The following ATF6B variants were observed in gnomAD, a reference collection of about 807,000 sequenced individuals.
ATF6B encodes the protein cyclic AMP-dependent transcription factor ATF-6 beta.
Under a neutral mutation model 83.5 loss-of-function variants are expected in ATF6B, and 50 were observed. That is an observed-to-expected ratio of 0.60 (90% CI 0.48 to 0.76). The LOEUF (loss-of-function observed/expected upper bound fraction) is 0.76, where lower values mean the gene tolerates loss of function less well. ATF6B is among the 30% of genes least tolerant of loss of function. ATF6B has a pLI of 0.00. For missense variants in ATF6B, 790 were observed against 893.8 expected, an observed-to-expected ratio of 0.88 and a Z score of 1.48; for synonymous variants, 344 against 362.8, an observed-to-expected ratio of 0.95 and a Z score of 0.59.
In ATF6B at chr6:32,116,863, C is replaced by T. The variant is rs758586518; in HGVS notation, c.1686-48G>A. 3 of 1,585,582 alleles carry T rather than the reference C, an allele frequency of 1.9e-6. No homozygotes were observed. The highest frequency in any genetic ancestry group is 2.6e-6 in the Non-Finnish European group (3 of 1,154,470). On this transcript the variant is annotated intron_variant, in intron 15 of 17. Coordinates refer to ENST00000375203, the MANE Select transcript of ATF6B (RefSeq NM_004381.5). This position sits in a 1 kb window ranked among gnomAD's most constrained non-coding sequence, Gnocchi z 5.1. ...TTTGAGGGGAACTAAGCCCAATGCT[C>T]AGTTTCTACCAGGGAAGCGGGTAGG...
Position 32,116,530 on chromosome 6 carries a change from T to A in ATF6B, c.1832A>T (p.Lys611Met). The A allele has an allele frequency of 6.2e-7, 1 of 1,603,754 alleles. No individual in the cohort carries two copies. Among genetic ancestry groups the A allele is most frequent in the Non-Finnish European group, 8.5e-7 (1 of 1,174,396 alleles). ...HLLLPAISHN[K>M]TSRPKMSLVM... Reference sequence around the variant, plus strand: ...CAGGGACATCTTGGGCCGGGAGGTCTTGTTGTGGCTGATGGCTGGGAGCAG... The same window carrying A: ...CAGGGACATCTTGGGCCGGGAGGTCATGTTGTGGCTGATGGCTGGGAGCAG... The change falls in exon 17 of 18, where the codon AAG (lysine) becomes ATG (methionine). Residue 611 changes from lysine (K) to methionine (M), a missense_variant. By Grantham distance (95) the Lys-to-Met change is moderately conservative (BLOSUM62 -1). Coordinates refer to ENST00000375203, the MANE Select transcript of ATF6B (RefSeq NM_004381.5). The surrounding 1 kb of genome is among the most constrained non-coding windows in gnomAD (Gnocchi z 5.1).
chr6:32,121,428 CAT>C, intron 5 of ATF6B, 80 bp from the exon 6 acceptor site: 1 of 1,378,428 alleles, frequency 7.3e-7, no homozygotes, highest in Non-Finnish European at 1.0e-6. Flanking sequence ...GGAGGCTGGG[CAT>C]GGTGGCTCAC....
At chr6:32,123,273 T>G (rs1309178697) in intron 5 of ATF6B, among the ~76,000 whole-genome samples, 1 of 147,152 alleles carries the variant, frequency 6.8e-6, no homozygotes, top group Non-Finnish European at 1.5e-5. Context: ...TTAACCATGA[T>G]GTATTATAAC....
Position 32,118,025 on chromosome 6 carries a change from G to A in ATF6B, c.1258C>T (p.Pro420Ser), listed in dbSNP as rs1781603883. ...ATCCGAGGAGAGATGGGAGCTGAAG[G>A]AGGCTCACTGATGCTGTGGATAAAG... ...NFGPVSISEP[P>S]SAPISPRMNK... The change falls in exon 12 of 18, where the codon CCT becomes TCT. Residue 420 changes from proline (P) to serine (S), a missense_variant. This residue lies in a region of ATF6B where 530 missense variants were observed against 632.6 expected (regional missense o/e 0.84). Coordinates refer to ENST00000375203, the MANE Select transcript of ATF6B (RefSeq NM_004381.5). The surrounding 1 kb of genome is among the most constrained non-coding windows in gnomAD (Gnocchi z 5.2). 6.2e-7 allele frequency: 1 copy of A among 1,614,094 alleles called. No individual in the cohort carries two copies. Among genetic ancestry groups the A allele is most frequent in the African/African-American group, 1.3e-5 (1 of 74,934 alleles).
At chr6:32,121,658 G>A (rs933475218) in intron 5 of ATF6B, among the ~76,000 whole-genome samples, 3 of 152,088 alleles carry the variant, frequency 2.0e-5, no homozygotes, top group South Asian at 2.1e-4. Flanking sequence ...CCAAGATCGC[G>A]CCATTGCACT....
In ATF6B at chr6:32,121,013, C is replaced by G; in HGVS notation, c.676G>C (p.Gly226Arg). 6.5e-7 allele frequency: 1 copy of G among 1,532,326 alleles called. No homozygotes were observed. The highest frequency in any genetic ancestry group is 8.8e-7 in the Non-Finnish European group (1 of 1,142,810). The allele number at this position is 1,532,326 out of a possible 1,614,324, so 94.9% of individuals were successfully genotyped here. A position where few individuals can be genotyped will look rare whatever the true frequency, so the allele number is the denominator to read the frequency against. Residue 226 changes from glycine (G) to arginine (R), a missense_variant, in exon 7 of 18, where the codon GGC becomes CGC. Transcript: ENST00000375203. ...CCTGAGGAGCCATCAAGGGATGGGC[C>G]CATGCTGATCTGGACAGCTCCAAGT... is the stretch of plus-strand genomic sequence containing the variant. Reference protein sequence around the residue: ...PSLGAVQISMGPSLDGSSGKA... With the variant: ...PSLGAVQISMRPSLDGSSGKA...
rs1781523935 is a variant in ATF6B at position 32,116,222 on chromosome 6, G to C, written c.1883-254C>G. Reference sequence around the variant, plus strand: ...AGAGGACATCAAGAGAAAAAAGTAAGTGAGAGTCTAGCAGGTTCCCGGCCC... The same window carrying C: ...AGAGGACATCAAGAGAAAAAAGTAACTGAGAGTCTAGCAGGTTCCCGGCCC... On this transcript the variant is annotated intron_variant, in intron 17 of 17. Transcript: ENST00000375203. The surrounding 1 kb of genome is among the most constrained non-coding windows in gnomAD (Gnocchi z 5.1). Among the ~76,000 whole-genome samples, 1 of 152,154 alleles carries C rather than the reference G, an allele frequency of 6.6e-6. No individual in the cohort carries two copies. The highest frequency in any genetic ancestry group is 2.1e-4 in the South Asian group (1 of 4,830).
chr6:32,119,436 C>T lies in ATF6B; in HGVS notation c.967-295G>A, dbSNP rs902717827. Among the ~76,000 whole-genome samples the T allele has an allele frequency of 6.6e-6, 1 of 152,168 alleles. No homozygotes were observed. The highest frequency in any genetic ancestry group is 2.4e-5 in the African/African-American group (1 of 41,424). ...TTCGTAACTCTTTCTTCCTGTCAGC[C>T]CACATTTGTAGGGTTCAAAGTTTAA... On this transcript the variant is annotated intron_variant, in intron 9 of 17. Transcript: ENST00000375203. The surrounding 1 kb of genome is among the most constrained non-coding windows in gnomAD (Gnocchi z 4.9).
In ATF6B at chr6:32,128,126, C is replaced by T; in HGVS notation, c.82G>A (p.Gly28Ser). ...TDNLLSPEDW[G>S]LQNSTLYSGL... ...CTCCCCGGTGCCTCACTCTGCAGACCCCAGTCCTCCGGGCTAAGCAGGTTG... is the reference window on the plus strand; with the variant it reads ...CTCCCCGGTGCCTCACTCTGCAGACTCCAGTCCTCCGGGCTAAGCAGGTTG... Residue 28 changes from glycine (G) to serine (S), a missense_variant, in exon 1 of 18, where the codon GGT becomes AGT. By Grantham distance (56) the Gly-to-Ser change is moderately conservative. Coordinates refer to ENST00000375203, the MANE Select transcript of ATF6B (RefSeq NM_004381.5). 1 of 1,613,316 alleles carries T rather than the reference C, an allele frequency of 6.2e-7. No homozygotes were observed. The highest frequency in any genetic ancestry group is 8.5e-7 in the Non-Finnish European group (1 of 1,179,998).
At position 32,119,225 on chromosome 6, in the gene ATF6B, C is replaced by A; in HGVS notation, c.967-84G>T. Reference sequence around the variant, plus strand: ...TCTCAAACCCCAAGGAATGATTTACCCAAAGCTCACATGGCCATTCCCCTG... The same window carrying A: ...TCTCAAACCCCAAGGAATGATTTACACAAAGCTCACATGGCCATTCCCCTG... On this transcript the variant is annotated intron_variant, in intron 9 of 17. Transcript: ENST00000375203. The surrounding 1 kb of genome is among the most constrained non-coding windows in gnomAD (Gnocchi z 4.9). The A allele has an allele frequency of 6.8e-7, 1 of 1,474,878 alleles. No homozygotes were observed. 91.4% of individuals were successfully genotyped at this position (1,474,878 alleles called of 1,614,324 possible). A position where few individuals can be genotyped will look rare whatever the true frequency, so the allele number is the denominator to read the frequency against.
Position 32,116,011 on chromosome 6 carries a change from A to G in ATF6B, c.1883-43T>C. The G allele has an allele frequency of 6.6e-7, 1 of 1,516,572 alleles. No individual in the cohort carries two copies. 93.9% of individuals were successfully genotyped at this position (1,516,572 alleles called of 1,614,324 possible). A position where few individuals can be genotyped will look rare whatever the true frequency, so the allele number is the denominator to read the frequency against. ...TTAAGGAAGAGGAGATGGGGAGGCA[A>G]ACAGGGATTGCAGGGAGGAGGGGAG... On this transcript the variant is annotated intron_variant, in intron 17 of 17. Coordinates refer to ENST00000375203, the MANE Select transcript of ATF6B (RefSeq NM_004381.5). This position sits in a 1 kb window ranked among gnomAD's most constrained non-coding sequence, Gnocchi z 5.1.
In ATF6B at chr6:32,116,060, C is replaced by T; in HGVS notation, c.1883-92G>A. The T allele has an allele frequency of 1.0e-6, 1 of 961,424 alleles. No individual in the cohort carries two copies. The highest frequency in any genetic ancestry group is 1.6e-6 in the Non-Finnish European group (1 of 643,930). The allele number at this position is 961,424 out of a possible 1,614,324, so 59.6% of individuals were successfully genotyped here. On this transcript the variant is annotated intron_variant, in intron 17 of 17. Coordinates refer to ENST00000375203, the MANE Select transcript of ATF6B (RefSeq NM_004381.5). This position sits in a 1 kb window ranked among gnomAD's most constrained non-coding sequence, Gnocchi z 5.1. ...AGGAGGTCAGAAAAGTAGAGGTGAG[C>T]AGAGAGAAAAAGAAAGGGCAATAGT...
At chr6:32,120,956 C>A in intron 7 of ATF6B, 33 bp downstream of exon 7, 1 of 1,519,094 alleles carries the variant, frequency 6.6e-7, no homozygotes, top group Non-Finnish European at 8.8e-7. Context: ...AGGCCTCTCA[C>A]TAGGGATTCC....
Position 32,115,710 on chromosome 6 carries a change from C to G in ATF6B, c.*29G>C. Reference sequence around the variant, plus strand: ...CCTGGCCACCTGGTACCCCCTCCCCCCGTTCTAAGTCAGTGTGAATGGCAG... The same window carrying G: ...CCTGGCCACCTGGTACCCCCTCCCCGCGTTCTAAGTCAGTGTGAATGGCAG... On this transcript the variant is annotated 3_prime_UTR_variant, in exon 18 of 18. Transcript: ENST00000375203. The G allele has an allele frequency of 6.5e-7, 1 of 1,531,670 alleles. No homozygotes were observed. The highest frequency in any genetic ancestry group is 8.8e-7 in the Non-Finnish European group (1 of 1,132,794). The allele number at this position is 1,531,670 out of a possible 1,614,324, so 94.9% of individuals were successfully genotyped here.
In ATF6B at chr6:32,119,815, A is replaced by G; in HGVS notation, c.966+9T>C. ...CACTCGCCCTACTTCTCTCCTCCCC[A>G]ACACTTACATCCACTTCAGGCGGGC... On this transcript the variant is annotated intron_variant, in intron 9 of 17. Transcript: ENST00000375203. This position sits in a 1 kb window ranked among gnomAD's most constrained non-coding sequence, Gnocchi z 4.9. The G allele has an allele frequency of 6.2e-7, 1 of 1,613,396 alleles. No homozygotes were observed. Among genetic ancestry groups the G allele is most frequent in the Non-Finnish European group, 8.5e-7 (1 of 1,179,634 alleles).
Position 32,117,864 on chromosome 6 carries a change from A to G in ATF6B, c.1419T>C (p.Ser473=). ...CCCTCTCTCTCTCTCCTCACCTGAA[A>G]CTGGGCTGGTCTGTGGGGCTGGGCT... The part of the protein sequence containing the change: ...EPQPSPTDQP[S]FSNLTAFPGG... The change falls in exon 12 of 18, where the codon AGT becomes AGC. Residue 473 remains serine, a synonymous_variant. Transcript: ENST00000375203. The surrounding 1 kb of genome is among the most constrained non-coding windows in gnomAD (Gnocchi z 5.0). 6.4e-7 allele frequency: 1 copy of G among 1,564,068 alleles called. No homozygotes were observed. The highest frequency in any genetic ancestry group is 8.6e-7 in the Non-Finnish European group (1 of 1,158,328).
chr6:32,119,244 T>G lies in ATF6B; in HGVS notation c.967-103A>C. On this transcript the variant is annotated intron_variant, in intron 9 of 17. Transcript: ENST00000375203. The surrounding 1 kb of genome is among the most constrained non-coding windows in gnomAD (Gnocchi z 4.9). ...ATTTACCCAAAGCTCACATGGCCAT[T>G]CCCCTGCCTTCCTGACCCACCTACA... 2.2e-5 allele frequency: 30 copies of G among 1,340,132 alleles called. No individual in the cohort carries two copies. Among genetic ancestry groups the G allele is most frequent in the Non-Finnish European group, 2.9e-5 (29 of 999,050 alleles). The allele number at this position is 1,340,132 out of a possible 1,614,324, so 83.0% of individuals were successfully genotyped here.
rs767473804 is a variant in ATF6B, at chr6:32,116,812, A to C, written c.1689T>G (p.Asp563Glu). Reference sequence around the variant, plus strand: ...GATATAGTTGCAGCTGGCCCACAGAATCCCTAGGCAGGTGGGGAAACAGGA... The same window carrying C: ...GATATAGTTGCAGCTGGCCCACAGACTCCCTAGGCAGGTGGGGAAACAGGA... The part of the protein sequence containing the change: ...PIQPPGPPER[D>E]SVGQLQLYRH... The change falls in exon 16 of 18, where the codon GAT (aspartate) becomes GAG (glutamate). Residue 563 changes from aspartate to glutamate, a missense_variant. Physicochemically the swap from Asp to Glu is conservative, Grantham distance 45. This residue lies in a region of ATF6B where 530 missense variants were observed against 632.6 expected (regional missense o/e 0.84). Transcript: ENST00000375203. The surrounding 1 kb of genome is among the most constrained non-coding windows in gnomAD (Gnocchi z 5.1). 6 of 1,614,032 alleles carry C rather than the reference A, an allele frequency of 3.7e-6. 1 individual carries two copies. The South Asian group carries it at 6.6e-5, about 18-fold the overall frequency.
In ATF6B at chr6:32,127,424, C is replaced by G. The variant is rs144932470; in HGVS notation, c.250+18G>C. On this transcript the variant is annotated intron_variant, in intron 3 of 17. Coordinates refer to ENST00000375203, the MANE Select transcript of ATF6B (RefSeq NM_004381.5). ...GAGGGTTTCTGGAAATCTGAGGGAA[C>G]GACAAAGACTACCTTACCTGGGAAG... 128 of 1,597,076 alleles carry G rather than the reference C, an allele frequency of 8.0e-5. No individual in the cohort carries two copies. The highest frequency in any genetic ancestry group is 5.0e-4 in the Middle Eastern group (3 of 5,990).
Sources: allele counts gnomAD v4.1 joint callset (sites outside exome capture counted in the v4.1 genomes callset), GRCh38; gene constraint gnomAD v4.1.1; regional missense constraint gnomAD v4.1.1; non-coding constraint Gnocchi (gnomAD v3.1); transcripts MANE v1.5; gene names NCBI Gene and HGNC (gene_info 2026-07-23, HGNC 2026-07-21).